The following NFIA variants were observed in gnomAD, a reference collection of about 807,000 sequenced individuals.
The protein encoded by NFIA is nuclear factor 1 A-type.
Under a neutral mutation model 62.8 loss-of-function variants are expected in NFIA, and 8 were observed. The observed-to-expected ratio is 0.13, with a 90% confidence interval of 0.07 to 0.23. The LOEUF (loss-of-function observed/expected upper bound fraction) is 0.23, where lower values mean the gene tolerates loss of function less well. Ranked by LOEUF, NFIA falls within the 10% of genes least tolerant of loss-of-function variation. The pLI is 1.00. For synonymous variants in NFIA, 235 were observed against 238.1 expected (o/e 0.99, Z 0.12); for missense variants, 410 against 642.1 (o/e 0.64, Z 3.91).
intron 4 of NFIA, among the ~76,000 whole-genome samples, chr1:61,351,887 A>C (rs913232695): frequency 6.6e-6 from 1 of 152,228 alleles, no homozygotes; most frequent in Non-Finnish European, 1.5e-5. Flanking sequence ...AACTTTATTC[A>C]TAAAAACTAT....
intron 2 of NFIA, among the ~76,000 whole-genome samples, chr1:61,251,630 T>TA (rs1656046589): frequency 6.6e-6 from 1 of 152,188 alleles, no homozygotes; most frequent in Non-Finnish European, 1.5e-5. Flanking sequence ...TGAAAACTGA[T>TA]AGTTACATAA....
At chr1:61,105,346 AAT>A (rs1646577956) in intron 2 of NFIA, among the ~76,000 whole-genome samples, 1 of 152,004 alleles carries the variant, frequency 6.6e-6, no homozygotes, top group African/African-American at 2.4e-5. Flanking sequence ...ATTACACTAC[AAT>A]ATGTGTAATA....
At chr1:61,246,254 G>A (rs917798216) in intron 2 of NFIA, among the ~76,000 whole-genome samples, 3 of 152,118 alleles carry the variant, frequency 2.0e-5, no homozygotes, top group African/African-American at 7.2e-5. Context: ...CCATTTCCAG[G>A]ATCTCTCGGA....
chr1:61,231,583 G>T (rs943017169), intron 2 of NFIA, among the ~76,000 whole-genome samples: 1 of 152,094 alleles, frequency 6.6e-6, no homozygotes, highest in Non-Finnish European at 1.5e-5. Flanking sequence ...TGGTGCTATT[G>T]TATTTAGCTA....
intron 3 of NFIA, among the ~76,000 whole-genome samples, chr1:61,300,644 CAT>C (rs200736747): frequency 5.9e-5 from 9 of 151,852 alleles, no homozygotes; most frequent in East Asian, 1.9e-4. Flanking sequence ...TACATATACA[CAT>C]ATATATATGT....
intron 2 of NFIA, among the ~76,000 whole-genome samples, chr1:61,097,749 A>G (rs901547703): frequency 6.6e-6 from 1 of 152,196 alleles, no homozygotes; most frequent in Non-Finnish European, 1.5e-5. Flanking sequence ...TGCACTTAGA[A>G]TTCTGTGTAG....
At chr1:61,245,080 T>A (rs539397580) in intron 2 of NFIA, among the ~76,000 whole-genome samples, 78 of 152,306 alleles carry the variant, frequency 5.1e-4, no homozygotes, top group African/African-American at 1.8e-3. Flanking sequence ...TGGGATGAAT[T>A]TGAGTCTTCA....
intron 10 of NFIA, among the ~76,000 whole-genome samples, chr1:61,438,357 A>T (rs1235350706): frequency 2.6e-5 from 4 of 152,264 alleles, no homozygotes; most frequent in South Asian, 4.1e-4. Context: ...CTCAGGAGGG[A>T]ACCTCTGTGA....
intron 7 of NFIA, among the ~76,000 whole-genome samples, chr1:61,391,487 C>G (rs965208792): frequency 1.2e-4 from 16 of 136,616 alleles, no homozygotes; most frequent in East Asian, 8.7e-4. Flanking sequence ...CACACACACA[C>G]AGGCAGTTTA....
intron 2 of NFIA, among the ~76,000 whole-genome samples, chr1:61,168,529 G>T (rs1025896626): frequency 1.3e-5 from 2 of 152,126 alleles, no homozygotes; most frequent in Non-Finnish European, 2.9e-5. Flanking sequence ...TGTTTGTTTG[G>T]AATTTCTTAA....
chr1:61,418,478 A>T (rs957109610), intron 9 of NFIA, among the ~76,000 whole-genome samples: 2 of 152,018 alleles, frequency 1.3e-5, no homozygotes, highest in African/African-American at 4.8e-5. Flanking sequence ...AAAAAAAATC[A>T]TCCATAATCC....
chr1:61,111,366 T>C (rs923188897), intron 2 of NFIA, among the ~76,000 whole-genome samples: 5 of 152,158 alleles, frequency 3.3e-5, no homozygotes, highest in Non-Finnish European at 7.4e-5. Context: ...TTTGTTTAAC[T>C]CTAGGTGTAA....
intron 2 of NFIA, among the ~76,000 whole-genome samples, chr1:61,163,837 G>C (rs1649385961): frequency 6.6e-6 from 1 of 152,214 alleles, no homozygotes; most frequent in African/African-American, 2.4e-5. Context: ...AAGGAATGAA[G>C]TAGGCCATAG....
intron 2 of NFIA, among the ~76,000 whole-genome samples, chr1:61,118,683 TGTGTGTGTGTGTGTG>T (rs1646835697): frequency 6.6e-6 from 1 of 150,734 alleles, no homozygotes; most frequent in Admixed American, 6.6e-5. Flanking sequence ...TGTGTGTGTG[TGTGTGTGTGTGTGTG>T]TGTGTGTGTG....
chr1:61,144,005 T>A (rs1647736466), intron 2 of NFIA, among the ~76,000 whole-genome samples: 1 of 152,264 alleles, frequency 6.6e-6, no homozygotes, highest in African/African-American at 2.4e-5. Context: ...TCCGGTTATC[T>A]GTTTTTCAAA....
At chr1:61,217,062 C>CCT (rs1653676083) in intron 2 of NFIA, among the ~76,000 whole-genome samples, 1 of 135,236 alleles carries the variant, frequency 7.4e-6, no homozygotes, top group Non-Finnish European at 1.6e-5. Context: ...TTTCTTTTTT[C>CCT]TTTTTTTTTT....
At chr1:61,181,568 G>A (rs780265723) in intron 2 of NFIA, among the ~76,000 whole-genome samples, 11 of 152,102 alleles carry the variant, frequency 7.2e-5, no homozygotes, top group Admixed American at 5.9e-4. Flanking sequence ...AAATGCAACA[G>A]ACTTTATTAA....
At chr1:61,351,451 A>C (rs1662546091) in intron 4 of NFIA, among the ~76,000 whole-genome samples, 1 of 152,204 alleles carries the variant, frequency 6.6e-6, no homozygotes, top group African/African-American at 2.4e-5. Flanking sequence ...GTATCAAATC[A>C]TGTGGGCTTA....
chr1:61,254,214 G>A (rs1390692493), intron 2 of NFIA, among the ~76,000 whole-genome samples: 1 of 152,226 alleles, frequency 6.6e-6, no homozygotes, highest in Non-Finnish European at 1.5e-5. Flanking sequence ...GCAGTTGTCT[G>A]TAATAGAATT....
Sources: allele counts gnomAD v4.1 joint callset (sites outside exome capture counted in the v4.1 genomes callset), GRCh38; gene constraint gnomAD v4.1.1; transcripts MANE v1.5; gene names NCBI Gene and HGNC (gene_info 2026-07-23, HGNC 2026-07-21).